The following GATA6 variants were observed in gnomAD, a reference collection of about 807,000 sequenced individuals.
The protein encoded by GATA6 is GATA binding protein 6, also known as transcription factor GATA-6.
In GATA6, 11 loss-of-function variants were observed where a neutral mutation model predicts 48.1. The observed-to-expected ratio is 0.23, with a 90% CI of 0.14 to 0.38. The LOEUF is 0.38. Among genes scored for constraint, GATA6 ranks in the 10% least tolerant of loss-of-function variants. The pLI is 1.00. For synonymous variants in GATA6, 419 were observed against 396.1 expected, an observed-to-expected ratio of 1.06 and a Z score of -0.69; for missense variants, 795 against 850.3, an observed-to-expected ratio of 0.93 and a Z score of 0.81.
chr18:22,201,071 C>A lies in GATA6; in HGVS notation c.*248C>A, dbSNP rs967869225. 4 of 572,122 alleles carry A rather than the reference C, an allele frequency of 7.0e-6. No individual in the cohort carries two copies. The highest frequency in any genetic ancestry group is 9.4e-6 in the Non-Finnish European group (3 of 320,664). The allele number at this position is 572,122 out of a possible 1,614,324, so 35.4% of individuals were successfully genotyped here. On this transcript the variant is annotated 3_prime_UTR_variant, in exon 7 of 7. Coordinates refer to ENST00000269216, the MANE Select transcript of GATA6 (RefSeq NM_005257.6). ...CGCCTCCGGGGCGGACCCTGCTCCA[C>A]TTCCAGAAGCCAGGACTAGGACCTG... is the stretch of plus-strand genomic sequence containing the variant.
Position 22,172,142 on chromosome 18 carries a change from A to T in GATA6, c.998A>T (p.His333Leu). The T allele has an allele frequency of 7.5e-7, 1 of 1,332,196 alleles. No homozygotes were observed. The highest frequency in any genetic ancestry group is 1.2e-5 in the South Asian group (1 of 80,202). 82.5% of individuals were successfully genotyped at this position (1,332,196 alleles called of 1,614,324 possible). ...CACCACCACCACCACCACCACCACC[A>T]TCCGAGCCCCTACTCGCCCTACGTG... is the stretch of plus-strand genomic sequence containing the variant. ...YHHHHHHHHHHPSPYSPYVGA... is the reference protein window; with the variant it reads ...YHHHHHHHHHLPSPYSPYVGA... Residue 333 changes from histidine to leucine, a missense_variant, in exon 2 of 7, where the codon CAT (histidine) becomes CTT (leucine). Physicochemically the swap from His to Leu is moderately conservative, Grantham distance 99 (BLOSUM62 -3). Transcript: ENST00000269216. This position sits in a 1 kb window ranked among gnomAD's most constrained non-coding sequence, Gnocchi z 5.2.
At chr18:22,183,334 G>A (rs1022715079) in intron 6 of GATA6, among the ~76,000 whole-genome samples, 1 of 152,072 alleles carries the variant, frequency 6.6e-6, no homozygotes, top group Non-Finnish European at 1.5e-5. Context: ...TTTATTTCCA[G>A]GTTTTTATCA....
rs1236446395 is a variant in GATA6, at chr18:22,172,352, TC to T, written c.1135+75del. The T allele has an allele frequency of 2.7e-6, 4 of 1,500,890 alleles. No homozygotes were observed. Among genetic ancestry groups the T allele is most frequent in the Non-Finnish European group, 3.6e-6 (4 of 1,125,512 alleles). 93.0% of individuals were successfully genotyped at this position (1,500,890 alleles called of 1,614,324 possible). A position where few individuals can be genotyped will look rare whatever the true frequency, so the allele number is the denominator to read the frequency against. On this transcript the variant is annotated intron_variant, in intron 2 of 6. Transcript: ENST00000269216. The surrounding 1 kb of genome is among the most constrained non-coding windows in gnomAD (Gnocchi z 5.2). Reference sequence around the variant, plus strand: ...CGCACGGGGGACGTGGAGCAGCTGCTCCACTCGGGCCCTGTTTTCAGGACTT... The same window carrying T: ...CGCACGGGGGACGTGGAGCAGCTGCTCACTCGGGCCCTGTTTTCAGGACTT...
intron 6 of GATA6, among the ~76,000 whole-genome samples, chr18:22,187,966 G>A (rs1164641193): frequency 6.6e-6 from 1 of 152,152 alleles, no homozygotes; most frequent in Non-Finnish European, 1.5e-5. Flanking sequence ...GCCAGGTGCA[G>A]TGGCTCACGC....
rs1421162910 is a variant in GATA6, at chr18:22,172,177, C to A, written c.1033C>A (p.Leu345Met). The A allele has an allele frequency of 6.5e-7, 1 of 1,533,662 alleles. No individual in the cohort carries two copies. The highest frequency in any genetic ancestry group is 1.4e-5 in the African/African-American group (1 of 72,860). ...CTACTCGCCCTACGTGGGGGCGCCACTGACGCCTGCCTGGCCCGCCGGACC... is the reference window on the plus strand; with the variant it reads ...CTACTCGCCCTACGTGGGGGCGCCAATGACGCCTGCCTGGCCCGCCGGACC... ...SPYSPYVGAP[L>M]TPAWPAGPFE... The change falls in exon 2 of 7, where the codon CTG becomes ATG. Residue 345 changes from leucine (L) to methionine (M), a missense_variant. Coordinates refer to ENST00000269216, the MANE Select transcript of GATA6 (RefSeq NM_005257.6). The surrounding 1 kb of genome is among the most constrained non-coding windows in gnomAD (Gnocchi z 5.2).
rs1050369331 is a variant in GATA6 at position 22,201,042 on chromosome 18, A to G, written c.*219A>G. The G allele has an allele frequency of 3.2e-6, 2 of 627,218 alleles. No homozygotes were observed. Among genetic ancestry groups the G allele is most frequent in the South Asian group, 4.0e-5 (2 of 49,458 alleles). The allele number at this position is 627,218 out of a possible 1,614,324, so 38.9% of individuals were successfully genotyped here. ...ACTGGGCGCTTGGGCCACTCCAGCC[A>G]GCCCGCCTCCGGGGCGGACCCTGCT... On this transcript the variant is annotated 3_prime_UTR_variant, in exon 7 of 7. Transcript: ENST00000269216.
At chr18:22,190,933 C>G (rs1258443228) in intron 6 of GATA6, among the ~76,000 whole-genome samples, 2 of 152,012 alleles carry the variant, frequency 1.3e-5, no homozygotes, top group African/African-American at 4.8e-5. Context: ...GAAAGTCACA[C>G]GTCACCCCGG....
chr18:22,199,376 A>G (rs527665621), intron 6 of GATA6, among the ~76,000 whole-genome samples: 1 of 152,356 alleles, frequency 6.6e-6, no homozygotes, highest in South Asian at 2.1e-4. Context: ...GAAAGCTTGG[A>G]AGGAATAAGA....
At chr18:22,186,278 C>T (rs2033261017) in intron 6 of GATA6, among the ~76,000 whole-genome samples, 1 of 152,040 alleles carries the variant, frequency 6.6e-6, no homozygotes, top group South Asian at 2.1e-4. Context: ...AGGCACCCTC[C>T]CAGCAGAAGG....
chr18:22,188,219 C>T (rs1487904662), intron 6 of GATA6, among the ~76,000 whole-genome samples: 1 of 152,204 alleles, frequency 6.6e-6, no homozygotes, highest in Non-Finnish European at 1.5e-5. Context: ...CCTTGCTTTA[C>T]TGGTCTTTGT....
chr18:22,198,332 A>G (rs921024846), intron 6 of GATA6, among the ~76,000 whole-genome samples: 1 of 152,020 alleles, frequency 6.6e-6, no homozygotes, highest in African/African-American at 2.4e-5. Flanking sequence ...CGGCTTCCCA[A>G]AGTGTTGGGA....
chr18:22,174,055 A>C (rs1288166601), intron 2 of GATA6, among the ~76,000 whole-genome samples: 1 of 152,224 alleles, frequency 6.6e-6, no homozygotes, highest in Non-Finnish European at 1.5e-5. Context: ...CTTGAGAGTC[A>C]GGGCTCTCAT....
intron 6 of GATA6, among the ~76,000 whole-genome samples, chr18:22,198,981 C>T (rs917719031): frequency 6.6e-6 from 1 of 152,102 alleles, no homozygotes; most frequent in Non-Finnish European, 1.5e-5. Flanking sequence ...TTTCATAAAA[C>T]CTCATTTCTG....
rs911752926 is a variant in GATA6, at chr18:22,171,919, G to C, written c.775G>C (p.Val259Leu). The change falls in exon 2 of 7, where the codon GTC becomes CTC. Residue 259 changes from valine (V) to leucine (L), a missense_variant. By Grantham distance (32) the Val-to-Leu change is conservative. Around this residue, in one of 5 missense-constraint regions of GATA6, gnomAD observed 591 missense variants for 570.0 expected, o/e 1.04. Coordinates refer to ENST00000269216, the MANE Select transcript of GATA6 (RefSeq NM_005257.6). The surrounding 1 kb of genome is among the most constrained non-coding windows in gnomAD (Gnocchi z 7.1). ...CGGCGCTGGCTCAGCCGCGGCGCACGTCTCGGCGCGCTTCCCCTACTCTCC... is the reference window on the plus strand; with the variant it reads ...CGGCGCTGGCTCAGCCGCGGCGCACCTCTCGGCGCGCTTCCCCTACTCTCC... Reference protein sequence around the residue: ...PGGAGSAAAHVSARFPYSPSP... With the variant: ...PGGAGSAAAHLSARFPYSPSP... The C allele has an allele frequency of 1.7e-6, 2 of 1,175,990 alleles. No homozygotes were observed. Among genetic ancestry groups the C allele is most frequent in the Admixed American group, 4.6e-5 (1 of 21,682 alleles). 72.8% of individuals were successfully genotyped at this position (1,175,990 alleles called of 1,614,324 possible). A position where few individuals can be genotyped will look rare whatever the true frequency, so the allele number is the denominator to read the frequency against.
intron 6 of GATA6, 36 bp from the exon 7 acceptor site, chr18:22,200,620 T>G (rs2033448411): frequency 6.2e-7 from 1 of 1,613,910 alleles, no homozygotes; most frequent in Non-Finnish European, 8.5e-7. Flanking sequence ...GCTTCTCACC[T>G]TCTCGTCTCT....
chr18:22,170,975 T>A lies in GATA6; in HGVS notation c.-37-133T>A. 1 of 645,850 alleles carries A rather than the reference T, an allele frequency of 1.5e-6. No individual in the cohort carries two copies. The highest frequency in any genetic ancestry group is 2.4e-5 in the Admixed American group (1 of 41,812). The allele number at this position is 645,850 out of a possible 1,614,324, so 40.0% of individuals were successfully genotyped here. A position where few individuals can be genotyped will look rare whatever the true frequency, so the allele number is the denominator to read the frequency against. ...GGGCAGAAATAGGATCTTTGAGAAG[T>A]CTCAAATGGGATCTTTGAGAAGTCA... On this transcript the variant is annotated intron_variant, in intron 1 of 6. Coordinates refer to ENST00000269216, the MANE Select transcript of GATA6 (RefSeq NM_005257.6). The surrounding 1 kb of genome is among the most constrained non-coding windows in gnomAD (Gnocchi z 6.7).
At chr18:22,199,482 C>T (rs1431179080) in intron 6 of GATA6, among the ~76,000 whole-genome samples, 1 of 152,202 alleles carries the variant, frequency 6.6e-6, no homozygotes, top group Non-Finnish European at 1.5e-5. Context: ...TTTATTCAAA[C>T]TGTTGTCTAA....
At chr18:22,190,527 C>A (rs529626333) in intron 6 of GATA6, among the ~76,000 whole-genome samples, 1 of 151,844 alleles carries the variant, frequency 6.6e-6, no homozygotes, top group East Asian at 1.9e-4. Context: ...GTCTATCGTC[C>A]AAAACACTCT....
chr18:22,178,261 GGCC>G (rs2033152210), intron 3 of GATA6, among the ~76,000 whole-genome samples: 1 of 152,074 alleles, frequency 6.6e-6, no homozygotes, highest in Admixed American at 6.6e-5. Flanking sequence ...CACCGCGCCC[GGCC>G]ACCATGTTTT....
Sources: allele counts gnomAD v4.1 joint callset (sites outside exome capture counted in the v4.1 genomes callset), GRCh38; gene constraint gnomAD v4.1.1; regional missense constraint gnomAD v4.1.1; non-coding constraint Gnocchi (gnomAD v3.1); transcripts MANE v1.5; gene names NCBI Gene and HGNC (gene_info 2026-07-23, HGNC 2026-07-21).